DPP10: variants seen among roughly 807,000 people sequenced by gnomAD.
DPP10 encodes inactive dipeptidyl peptidase 10.
A neutral mutation model predicts 120.9 loss-of-function variants in DPP10; 33 were observed. The ratio of observed to expected loss-of-function variants is 0.27; its 90% CI spans 0.21 to 0.37. The LOEUF is 0.37. Among genes scored for constraint, DPP10 ranks in the 10% least tolerant of loss-of-function variants. The probability of loss-of-function intolerance (pLI) is 1.00; values close to 1 mark genes in which losing one functional copy is unlikely to be tolerated. For missense variants in DPP10, 816 were observed against 942.8 expected, an observed-to-expected ratio of 0.87 and a Z score of 1.76; for synonymous variants, 337 against 326.1, an observed-to-expected ratio of 1.03 and a Z score of -0.36.
At chr2:115,791,206 T>C (rs1366853306) in intron 18 of DPP10, 27 bp downstream of exon 18, 2 of 1,608,048 alleles carry the variant, frequency 1.2e-6, no homozygotes, top group Non-Finnish European at 1.7e-6. Flanking sequence ...GCTATGTTAT[T>C]CAAGAACAAC....
intron 1 of DPP10, among the ~76,000 whole-genome samples, chr2:114,658,592 T>A (rs1343719668): frequency 6.6e-6 from 1 of 152,186 alleles, no homozygotes; most frequent in Admixed American, 6.5e-5. Flanking sequence ...TTTCAGTATC[T>A]TCAGTTTTGT....
intron 7 of DPP10, among the ~76,000 whole-genome samples, chr2:115,692,063 T>C (rs1215473282): frequency 6.6e-6 from 1 of 152,106 alleles, no homozygotes; most frequent in Non-Finnish European, 1.5e-5. Context: ...TTCTTTTCCA[T>C]TTCAATTTTT....
chr2:115,817,913 T>G (rs114926504), intron 21 of DPP10, among the ~76,000 whole-genome samples: 1,950 of 152,128 alleles, frequency 0.013, 43 homozygotes, highest in African/African-American at 0.042. Context: ...GTGAAATGGT[T>G]GTTGCCAGGA....
chr2:114,892,823 C>A (rs1692651685), intron 1 of DPP10, among the ~76,000 whole-genome samples: 1 of 152,038 alleles, frequency 6.6e-6, no homozygotes, highest in Admixed American at 6.6e-5. Context: ...AGCCTCTTTC[C>A]AAAAACCCAG....
chr2:115,832,480 C>T (rs1003883381), intron 21 of DPP10, among the ~76,000 whole-genome samples: 1 of 152,072 alleles, frequency 6.6e-6, no homozygotes, highest in Non-Finnish European at 1.5e-5. Flanking sequence ...CAGAGTGAGA[C>T]CATGTCTAAA....
At chr2:115,328,415 C>G (rs1322320438) in intron 2 of DPP10, among the ~76,000 whole-genome samples, 2 of 152,028 alleles carry the variant, frequency 1.3e-5, no homozygotes, top group African/African-American at 4.8e-5. Flanking sequence ...AATCCTAAAG[C>G]TCTTGACTTA....
At chr2:115,698,058 C>G (rs1049343438) in intron 7 of DPP10, among the ~76,000 whole-genome samples, 4 of 152,126 alleles carry the variant, frequency 2.6e-5, no homozygotes, top group Admixed American at 6.6e-5. Context: ...CTCAACCTAA[C>G]AACAGCGTAC....
At chr2:115,719,157 T>C (rs1203320615) in intron 7 of DPP10, among the ~76,000 whole-genome samples, 1 of 152,208 alleles carries the variant, frequency 6.6e-6, no homozygotes, top group African/African-American at 2.4e-5. Context: ...TTATTGGAGT[T>C]GGTCTTTTTG....
chr2:115,429,450 A>C (rs1483740060), intron 3 of DPP10, among the ~76,000 whole-genome samples: 3 of 152,200 alleles, frequency 2.0e-5, no homozygotes, highest in African/African-American at 7.2e-5. Context: ...AGGTTTAAAA[A>C]TATATAACAT....
At chr2:115,019,236 T>A (rs1255725075) in intron 1 of DPP10, among the ~76,000 whole-genome samples, 1 of 152,058 alleles carries the variant, frequency 6.6e-6, no homozygotes, top group East Asian at 1.9e-4. Flanking sequence ...CAAGCACCTG[T>A]TAATAAAGGT....
At chr2:114,978,177 C>T (rs143556314) in intron 1 of DPP10, among the ~76,000 whole-genome samples, 3 of 152,260 alleles carry the variant, frequency 2.0e-5, no homozygotes, top group South Asian at 2.1e-4. Context: ...TCTACGATGA[C>T]GGAAATGTTC....
At chr2:115,622,282 T>C (rs1336038613) in intron 5 of DPP10, among the ~76,000 whole-genome samples, 1 of 152,146 alleles carries the variant, frequency 6.6e-6, no homozygotes, top group African/African-American at 2.4e-5. Context: ...TATTATACAA[T>C]ATATTGTCTT....
chr2:114,561,357 C>T (rs1688747851), intron 1 of DPP10, among the ~76,000 whole-genome samples: 1 of 152,018 alleles, frequency 6.6e-6, no homozygotes. Flanking sequence ...TGTTATTATC[C>T]TTTCCTCAAA....
chr2:115,717,359 C>T (rs1575593854), intron 7 of DPP10, among the ~76,000 whole-genome samples: 1 of 151,934 alleles, frequency 6.6e-6, no homozygotes, highest in African/African-American at 2.4e-5. Context: ...TGCACATGTA[C>T]CCTAAAACTT....
At chr2:115,038,350 A>G (rs1161041463) in intron 1 of DPP10, among the ~76,000 whole-genome samples, 2 of 151,860 alleles carry the variant, frequency 1.3e-5, no homozygotes, top group Non-Finnish European at 2.9e-5. Flanking sequence ...GGCTCATTGC[A>G]AGCTCCGCCT....
At chr2:115,383,977 C>A (rs1271579469) in intron 3 of DPP10, among the ~76,000 whole-genome samples, 3 of 152,094 alleles carry the variant, frequency 2.0e-5, no homozygotes, top group Non-Finnish European at 2.9e-5. Context: ...TCTGTCTAAC[C>A]AATAGACAAA....
intron 19 of DPP10, among the ~76,000 whole-genome samples, chr2:115,805,398 C>T (rs1170943341): frequency 2.0e-5 from 3 of 152,188 alleles, no homozygotes; most frequent in Middle Eastern, 3.4e-3. Context: ...CGATGCCTCG[C>T]CCTGCTTTGG....
At chr2:114,936,473 T>A (rs1262497749) in intron 1 of DPP10, among the ~76,000 whole-genome samples, 1 of 151,764 alleles carries the variant, frequency 6.6e-6, no homozygotes, top group Non-Finnish European at 1.5e-5. Context: ...ACATATATAT[T>A]TTTTTATCCA....
intron 1 of DPP10, among the ~76,000 whole-genome samples, chr2:115,227,103 C>T (rs11904435): frequency 0.013 from 2,034 of 152,284 alleles, 40 homozygotes; most frequent in African/African-American, 0.047. Flanking sequence ...CATCTTTCAT[C>T]AACCTAACAT....
Sources: gnomAD v4.1 joint callset for allele counts (sites outside exome capture counted in the v4.1 genomes callset) on GRCh38, gnomAD v4.1.1 for gene constraint, MANE v1.5 for transcripts, NCBI Gene and HGNC (gene_info 2026-07-23, HGNC 2026-07-21) for gene names.